LYPD6B: variants seen among roughly 807,000 people sequenced by gnomAD.
The protein encoded by LYPD6B is LY6/PLAUR domain containing 6B.
In LYPD6B, 17 loss-of-function variants were observed where a neutral mutation model predicts 22.8. The ratio of observed to expected loss-of-function variants is 0.75; its 90% CI spans 0.51 to 1.12. LYPD6B has a LOEUF of 1.12. Ranked by LOEUF, LYPD6B falls within the 50% of genes most tolerant of loss-of-function variation. The pLI is 0.00. For synonymous variants in LYPD6B, 106 were observed against 91.6 expected, an observed-to-expected ratio of 1.16 and a Z score of -0.90; for missense variants, 221 against 258.3, an observed-to-expected ratio of 0.86 and a Z score of 0.99.
chr2:149,105,413 T>C (rs1313324859), intron 1 of LYPD6B, among the ~76,000 whole-genome samples: 1 of 152,190 alleles, frequency 6.6e-6, no homozygotes, highest in Non-Finnish European at 1.5e-5. Flanking sequence ...GCAATTTTAA[T>C]ATAATAATAT....
chr2:149,213,574 A>T (rs946520021), intron 6 of LYPD6B, among the ~76,000 whole-genome samples: 1 of 152,130 alleles, frequency 6.6e-6, no homozygotes, highest in African/African-American at 2.4e-5. Context: ...TGAGCATTTC[A>T]CTCCTTTATA....
At chr2:149,157,987 C>A (rs115593681) in intron 2 of LYPD6B, among the ~76,000 whole-genome samples, 307 of 152,264 alleles carry the variant, frequency 2.0e-3, no homozygotes, top group African/African-American at 7.1e-3. Context: ...TGAAGAGTTA[C>A]ACGTAGCAGG....
intron 1 of LYPD6B, among the ~76,000 whole-genome samples, chr2:149,110,802 G>A (rs1213036415): frequency 2.6e-5 from 4 of 152,146 alleles, no homozygotes; most frequent in African/African-American, 9.7e-5. Flanking sequence ...TATATTCTAT[G>A]TCTGGAGACA....
At chr2:149,209,619 GCTTTA>G (rs1478759996) in intron 5 of LYPD6B, among the ~76,000 whole-genome samples, 1 of 152,134 alleles carries the variant, frequency 6.6e-6, no homozygotes, top group Non-Finnish European at 1.5e-5. Context: ...CAGTGGCATA[GCTTTA>G]CCTCTTCCAG....
intron 3 of LYPD6B, among the ~76,000 whole-genome samples, chr2:149,189,509 C>CT (rs2106046808): frequency 6.6e-6 from 1 of 151,078 alleles, no homozygotes; most frequent in East Asian, 2.0e-4. Flanking sequence ...TAGATAAATC[C>CT]TTCTAAACAT....
intron 1 of LYPD6B, among the ~76,000 whole-genome samples, chr2:149,074,163 A>C (rs1243370180): frequency 6.6e-6 from 1 of 152,138 alleles, no homozygotes; most frequent in East Asian, 1.9e-4. Flanking sequence ...GGGTGGGTCA[A>C]TGTGGGTTCA....
intron 1 of LYPD6B, among the ~76,000 whole-genome samples, chr2:149,125,586 G>A (rs770214329): frequency 5.9e-5 from 9 of 152,138 alleles, no homozygotes; most frequent in Non-Finnish European, 1.3e-4. Flanking sequence ...TTAGGTCTAT[G>A]ATACCACTTT....
Position 149,143,513 on chromosome 2 carries a change from CA to C in LYPD6B, c.5+12580del, listed in dbSNP as rs201618713. 5.1e-3 allele frequency among the ~76,000 whole-genome samples: 661 copies of C among 129,760 alleles called. 2 individuals carry two copies. The highest frequency in any genetic ancestry group is 0.014 in the African/African-American group (488 of 35,024). The allele number at this position is 129,760 out of a possible 152,430, so 85.1% of individuals were successfully genotyped here. ...TGTTCTAACATTGCAACATGTGACG[CA>C]AAAAAAAAAAAAAAAAAAATCACAC... On this transcript the variant is annotated intron_variant, in intron 2 of 6. Transcript: ENST00000409642.
intron 1 of LYPD6B, among the ~76,000 whole-genome samples, chr2:149,052,783 C>T (rs1683622414): frequency 6.6e-6 from 1 of 152,118 alleles, no homozygotes; most frequent in African/African-American, 2.4e-5. Context: ...TTTACCTTGA[C>T]TCTTTAAAAA....
At chr2:149,189,036 C>A (rs1380420474) in intron 3 of LYPD6B, among the ~76,000 whole-genome samples, 1 of 151,896 alleles carries the variant, frequency 6.6e-6, no homozygotes, top group Non-Finnish European at 1.5e-5. Flanking sequence ...AGCTAAATAA[C>A]AAGAATTTCC....
In LYPD6B at chr2:149,071,011, TATC is replaced by T. The variant is rs1684578706; in HGVS notation, c.-67+32213_-67+32215del. Among the ~76,000 whole-genome samples, 3 of 152,312 alleles carry T rather than the reference TATC, an allele frequency of 2.0e-5. No homozygotes were observed. In the South Asian group the frequency reaches 6.2e-4, roughly 32 times the overall value. On this transcript the variant is annotated intron_variant, in intron 1 of 6. Transcript: ENST00000409642. Reference sequence around the variant, plus strand: ...ACCGATAAAAGGTGTATGATTTACTTATCATTTAGTTCCACACCCGGCATTAGT... The same window carrying T: ...ACCGATAAAAGGTGTATGATTTACTTATTTAGTTCCACACCCGGCATTAGT...
intron 1 of LYPD6B, among the ~76,000 whole-genome samples, chr2:149,050,798 C>T (rs1159397633): frequency 1.3e-5 from 2 of 152,134 alleles, no homozygotes; most frequent in African/African-American, 4.8e-5. Context: ...CCCAGGAAGC[C>T]CGGAGCTACA....
At chr2:149,160,896 G>T in intron 3 of LYPD6B, 61 bp downstream of exon 3, 3 of 1,229,740 alleles carry the variant, frequency 2.4e-6, no homozygotes, top group South Asian at 2.6e-5. Flanking sequence ...TGGTTAAGTT[G>T]TTGGGAATGG....
At chr2:149,123,213 T>C (rs7577550) in intron 1 of LYPD6B, among the ~76,000 whole-genome samples, 115,848 of 152,106 alleles carry the variant, frequency 0.76, 45,973 homozygotes, top group Non-Finnish European at 0.87. Context: ...TGGGCAGCAG[T>C]GTGGTTTCAG....
intron 2 of LYPD6B, 191 bp downstream of exon 2, chr2:149,131,144 T>C (rs531050997): frequency 6.0e-6 from 3 of 503,540 alleles, no homozygotes; most frequent in Non-Finnish European, 1.0e-5. Flanking sequence ...CCTAATCATA[T>C]TGACTTTTTA....
rs1340927299 is a variant in LYPD6B, at chr2:149,171,853, G to T, written c.77+11018G>T. Among the ~76,000 whole-genome samples, 3 of 152,122 alleles carry T rather than the reference G, an allele frequency of 2.0e-5. No individual in the cohort carries two copies. The East Asian group carries it at 5.8e-4, about 29-fold the overall frequency. The stretch of plus-strand genomic sequence containing the variant: ...TACAATAAAAACCAATGATCTATGT[G>T]AGAGCCCATGGCATTGTGATTCCCC... On this transcript the variant is annotated intron_variant, in intron 3 of 6. Transcript: ENST00000409642.
At chr2:149,125,867 T>C (rs1414813810) in intron 1 of LYPD6B, among the ~76,000 whole-genome samples, 1 of 152,248 alleles carries the variant, frequency 6.6e-6, no homozygotes, top group African/African-American at 2.4e-5. Flanking sequence ...TCTTTAGATA[T>C]TCTTTTGAAG....
intron 1 of LYPD6B, among the ~76,000 whole-genome samples, chr2:149,129,914 G>A (rs543603825): frequency 1.8e-4 from 27 of 152,202 alleles, no homozygotes; most frequent in African/African-American, 6.5e-4. Context: ...TGTCTGGGAA[G>A]GAAGAAGGAG....
intron 1 of LYPD6B, among the ~76,000 whole-genome samples, chr2:149,061,691 C>T (rs1449997713): frequency 6.6e-6 from 1 of 152,150 alleles, no homozygotes; most frequent in Admixed American, 6.5e-5. Flanking sequence ...TAATCTCCCT[C>T]CTTTTCCCTG....
Sources: allele counts gnomAD v4.1 joint callset (sites outside exome capture counted in the v4.1 genomes callset), GRCh38; gene constraint gnomAD v4.1.1; transcripts MANE v1.5; gene names NCBI Gene and HGNC (gene_info 2026-07-23, HGNC 2026-07-21).